TMEM71: variants seen among roughly 807,000 people sequenced by gnomAD.
TMEM71 encodes transmembrane protein 71.
TMEM71 carries 44 observed loss-of-function variants against 38.0 expected under a neutral mutation model. That is an observed-to-expected ratio of 1.16 (90% CI 0.91 to 1.49). TMEM71 has a LOEUF of 1.49. Among genes scored for constraint, TMEM71 ranks in the 40% most tolerant of loss-of-function variants. The probability of loss-of-function intolerance (pLI) is 0.00; values close to 1 mark genes in which losing one functional copy is unlikely to be tolerated. For missense variants in TMEM71, 367 were observed against 348.6 expected (o/e 1.05, Z -0.42); for synonymous variants, 133 against 122.5 (o/e 1.09, Z -0.56).
intron 6 of TMEM71, among the ~76,000 whole-genome samples, 183 bp from the exon 7 acceptor site, chr8:132,722,298 G>T (rs1332829679): frequency 6.6e-6 from 1 of 151,912 alleles, no homozygotes; most frequent in African/African-American, 2.4e-5. Flanking sequence ...ATACAGGGCT[G>T]TCATTAGAAA....
intron 5 of TMEM71, among the ~76,000 whole-genome samples, chr8:132,728,816 GAAC>G (rs1191064885): frequency 6.6e-6 from 1 of 152,186 alleles, no homozygotes; most frequent in East Asian, 1.9e-4. Context: ...TGGTGAATTA[GAAC>G]AACATCTCTG....
chr8:132,747,171 CTG>C lies in TMEM71; in HGVS notation c.315-59_315-58del, dbSNP rs1286602939. 6.3e-6 allele frequency: 9 copies of C among 1,422,802 alleles called. No homozygotes were observed. The East Asian group carries it at 1.8e-4, about 28-fold the overall frequency. The allele number at this position is 1,422,802 out of a possible 1,614,324, so 88.1% of individuals were successfully genotyped here. On this transcript the variant is annotated intron_variant, in intron 4 of 9. Transcript: ENST00000677595. ...AATAATAGTTACCTTTAGTTCAAAA[CTG>C]TGATTTGAAGCGCAGAGTACATTTC...
At chr8:132,750,419 G>A (rs899476977) in intron 4 of TMEM71, among the ~76,000 whole-genome samples, 14 of 152,162 alleles carry the variant, frequency 9.2e-5, no homozygotes, top group Admixed American at 7.9e-4. Flanking sequence ...GGCTTGAAAT[G>A]TATCTGCTGT....
rs1826195995 is a variant in TMEM71, at chr8:132,710,856, T to G, written c.*111A>C. On this transcript the variant is annotated 3_prime_UTR_variant, in exon 10 of 10. Transcript: ENST00000677595. ...CAAACTAAAATGGCTTTTTCTCCAT[T>G]ACTCGCTTACTCCCTTCCAATAAAA... 1 of 980,854 alleles carries G rather than the reference T, an allele frequency of 1.0e-6. No homozygotes were observed. Among genetic ancestry groups the G allele is most frequent in the South Asian group, 1.4e-5 (1 of 73,442 alleles). The allele number at this position is 980,854 out of a possible 1,614,324, so 60.8% of individuals were successfully genotyped here.
At chr8:132,748,745 T>C (rs1263821373) in intron 4 of TMEM71, among the ~76,000 whole-genome samples, 1 of 152,196 alleles carries the variant, frequency 6.6e-6, no homozygotes, top group African/African-American at 2.4e-5. Flanking sequence ...CTCATCAAAT[T>C]TGAGAACAAA....
chr8:132,716,111 G>A (rs1368322772), intron 7 of TMEM71, among the ~76,000 whole-genome samples: 1 of 152,188 alleles, frequency 6.6e-6, no homozygotes, highest in Non-Finnish European at 1.5e-5. Flanking sequence ...CAGCCGCTCA[G>A]CCATGGCTCT....
At chr8:132,746,513 A>G (rs971993422) in intron 5 of TMEM71, among the ~76,000 whole-genome samples, 1 of 143,374 alleles carries the variant, frequency 7.0e-6, no homozygotes, top group Non-Finnish European at 1.5e-5. Flanking sequence ...ATATGTATAT[A>G]TATATGGTTT....
intron 5 of TMEM71, among the ~76,000 whole-genome samples, chr8:132,744,899 T>C (rs997956655): frequency 3.9e-5 from 6 of 152,256 alleles, no homozygotes; most frequent in African/African-American, 1.2e-4. Flanking sequence ...ATCTAATCTT[T>C]GACAAAGTTG....
intron 4 of TMEM71, among the ~76,000 whole-genome samples, chr8:132,747,639 A>G (rs1456973186): frequency 1.3e-5 from 2 of 152,180 alleles, no homozygotes; most frequent in East Asian, 3.9e-4. Context: ...GTGCTCTGAA[A>G]GGATTACCTA....
intron 5 of TMEM71, among the ~76,000 whole-genome samples, chr8:132,732,625 C>T (rs1258069460): frequency 6.6e-6 from 1 of 152,160 alleles, no homozygotes; most frequent in African/African-American, 2.4e-5. Flanking sequence ...AAAATGCTCA[C>T]TCAGCAGTGA....
intron 7 of TMEM71, among the ~76,000 whole-genome samples, chr8:132,715,005 C>A (rs1019730008): frequency 4.6e-5 from 7 of 152,064 alleles, no homozygotes; most frequent in Non-Finnish European, 1.0e-4. Flanking sequence ...ATTAAAACAG[C>A]GAGATATCAC....
the TMEM71 span, among the ~76,000 whole-genome samples, chr8:132,767,688 G>T: frequency 6.6e-6 from 1 of 152,076 alleles, no homozygotes; most frequent in African/African-American, 2.4e-5. Context: ...TGTTGGCCAG[G>T]ATGGTCTCGA....
At chr8:132,736,723 T>A (rs1389336807) in intron 5 of TMEM71, among the ~76,000 whole-genome samples, 1 of 151,918 alleles carries the variant, frequency 6.6e-6, no homozygotes, top group Non-Finnish European at 1.5e-5. Flanking sequence ...TCCAGCTACT[T>A]GGCAGGCTGA....
chr8:132,734,185 T>TACAC (rs367706220), intron 5 of TMEM71, among the ~76,000 whole-genome samples: 1 of 151,386 alleles, frequency 6.6e-6, no homozygotes, highest in Non-Finnish European at 1.5e-5. Context: ...CGCATACACA[T>TACAC]ACACACACAC....
intron 2 of TMEM71, chr8:132,757,847 A>G (rs78558428): frequency 7.5e-6 from 1 of 133,538 alleles, no homozygotes; most frequent in Non-Finnish European, 1.6e-5. Context: ...AAAAAAAAAA[A>G]TTTCTTAGTG....
chr8:132,722,888 T>C (rs1366222147), intron 6 of TMEM71, among the ~76,000 whole-genome samples: 1 of 152,214 alleles, frequency 6.6e-6, no homozygotes. Context: ...AACCTCAGTA[T>C]TATTCTAATC....
chr8:132,742,224 G>A (rs1017255866), intron 5 of TMEM71, among the ~76,000 whole-genome samples: 32 of 152,162 alleles, frequency 2.1e-4, no homozygotes, highest in African/African-American at 7.5e-4. Flanking sequence ...TCTATATCTG[G>A]TATAACTATT....
chr8:132,710,711 A>T lies in TMEM71; in HGVS notation c.*256T>A. 1.8e-6 allele frequency: 1 copy of T among 554,798 alleles called. No individual in the cohort carries two copies. Among genetic ancestry groups the T allele is most frequent in the East Asian group, 3.2e-5 (1 of 31,626 alleles). 34.4% of individuals were successfully genotyped at this position (554,798 alleles called of 1,614,324 possible). The stretch of plus-strand genomic sequence containing the variant: ...TTCCAGGCGGTCTCTTTTCCATCAC[A>T]TTCCCCGTCCTTTTCCTTTCAACTG... On this transcript the variant is annotated 3_prime_UTR_variant, in exon 10 of 10. Coordinates refer to ENST00000677595, the MANE Select transcript of TMEM71 (RefSeq NM_001382403.1).
At chr8:132,713,503 CTG>C (rs1826346193) in intron 9 of TMEM71, among the ~76,000 whole-genome samples, 1 of 152,148 alleles carries the variant, frequency 6.6e-6, no homozygotes, top group South Asian at 2.1e-4. Context: ...GCTATCCAGA[CTG>C]TTTGAAATTC....
Sources: gnomAD v4.1 joint callset for allele counts (sites outside exome capture counted in the v4.1 genomes callset) on GRCh38, gnomAD v4.1.1 for gene constraint, MANE v1.5 for transcripts, NCBI Gene and HGNC (gene_info 2026-07-23, HGNC 2026-07-21) for gene names.